RARB: variants seen among roughly 807,000 people sequenced by gnomAD.
The protein encoded by RARB is HBV-activated protein.
A neutral mutation model predicts 51.9 loss-of-function variants in RARB; 17 were observed. That is an observed-to-expected ratio of 0.33 (90% CI 0.22 to 0.49). The LOEUF is 0.49. Ranked by LOEUF, RARB falls within the 20% of genes least tolerant of loss-of-function variation. RARB has a pLI of 0.99. For missense variants in RARB, 369 were observed against 550.8 expected (o/e 0.67, Z 3.30); for synonymous variants, 215 against 195.4 (o/e 1.10, Z -0.84).
intron 2 of RARB, among the ~76,000 whole-genome samples, chr3:25,483,380 G>A (rs112922360): frequency 3.8e-4 from 58 of 152,302 alleles, no homozygotes; most frequent in African/African-American, 1.3e-3. Context: ...CACACATACT[G>A]TGGTAGAGGA....
intron 3 of RARB, among the ~76,000 whole-genome samples, chr3:25,081,004 TCTTTTA>T (rs955946352): frequency 3.9e-5 from 6 of 152,280 alleles, no homozygotes; most frequent in African/African-American, 1.4e-4. Flanking sequence ...TGATCTGATC[TCTTTTA>T]CTTTATTATC....
intron 2 of RARB, among the ~76,000 whole-genome samples, chr3:24,981,172 G>C (rs902721596): frequency 7.9e-5 from 12 of 152,132 alleles, no homozygotes; most frequent in Non-Finnish European, 1.8e-4. Context: ...ATCTGTATGA[G>C]GTGTCCGTCA....
rs73048068 is a variant in RARB, at chr3:25,554,140, G to T, written c.449-15618G>T. Among the ~76,000 whole-genome samples, 279 of 150,286 alleles carry T rather than the reference G, an allele frequency of 1.9e-3. 1 individual carries two copies. The highest frequency in any genetic ancestry group is 3.1e-3 in the Non-Finnish European group (209 of 67,624). ...GTTAGGGTGGGGGAGGGGATTTCCC[G>T]AGAGAAAGTATCTGTGCGTGGAGGT... On this transcript the variant is annotated intron_variant, in intron 3 of 7. Coordinates refer to ENST00000330688, the MANE Select transcript of RARB (RefSeq NM_000965.5).
At chr3:24,976,792 T>G (rs1696523038) in intron 2 of RARB, among the ~76,000 whole-genome samples, 1 of 152,206 alleles carries the variant, frequency 6.6e-6, no homozygotes, top group African/African-American at 2.4e-5. Flanking sequence ...ATTTTGGCTT[T>G]TGCTGCCATT....
intron 3 of RARB, among the ~76,000 whole-genome samples, chr3:25,081,634 T>A (rs1385941458): frequency 4.6e-5 from 3 of 64,684 alleles, no homozygotes; most frequent in African/African-American, 1.1e-4. Flanking sequence ...TTTTTTTTTT[T>A]TTTTTTTTTT....
chr3:25,160,107 C>T (rs1004111895), intron 4 of RARB, among the ~76,000 whole-genome samples: 4 of 152,204 alleles, frequency 2.6e-5, no homozygotes, highest in South Asian at 2.1e-4. Flanking sequence ...TCATTCTTTC[C>T]TGTAACTGTT....
At chr3:25,340,029 A>G (rs539859681) in intron 5 of RARB, among the ~76,000 whole-genome samples, 1 of 152,292 alleles carries the variant, frequency 6.6e-6, no homozygotes, top group African/African-American at 2.4e-5. Flanking sequence ...TGGACATATG[A>G]AAAAGAAGAC....
chr3:24,951,912 G>C (rs554203895), intron 2 of RARB, among the ~76,000 whole-genome samples: 1 of 152,212 alleles, frequency 6.6e-6, no homozygotes, highest in South Asian at 2.1e-4. Flanking sequence ...TTGGATTACA[G>C]GAAACGTAAT....
intron 2 of RARB, among the ~76,000 whole-genome samples, chr3:24,896,270 T>C (rs141207113): frequency 4.9e-4 from 74 of 152,156 alleles, no homozygotes; most frequent in Middle Eastern, 6.8e-3. Context: ...TGTTTTGTTT[T>C]TTGTTTTGAG....
exon 5 of RARB, chr3:25,174,148 A>T (rs1700697210): frequency 4.7e-6 from 1 of 214,958 alleles, no homozygotes; most frequent in South Asian, 7.4e-5. Context: ...TGAAGGTGCT[A>T]GTGTCTCACT....
chr3:25,596,578 G>A lies in RARB; in HGVS notation c.1309G>A (p.Glu437Lys). 2.5e-6 allele frequency: 4 copies of A among 1,611,786 alleles called. No homozygotes were observed. Among genetic ancestry groups the A allele is most frequent in the Non-Finnish European group, 3.4e-6 (4 of 1,178,382 alleles). ...HSPSISPSSV[E>K]NSGVSQSPLV... The stretch of plus-strand genomic sequence containing the variant: ...TCCTAGCATCTCACCCAGCTCAGTG[G>A]AAAACAGTGGGGTCAGTCAGTCACC... The change falls in exon 8 of 8, where the codon GAA becomes AAA. Residue 437 changes from glutamate to lysine, a missense_variant. This residue lies in a region of RARB where 54 missense variants were observed against 43.4 expected (regional missense o/e 1.24). Transcript: ENST00000330688.
chr3:25,435,709 TA>T (rs765116265), intron 1 of RARB, among the ~76,000 whole-genome samples: 12 of 152,188 alleles, frequency 7.9e-5, no homozygotes, highest in Non-Finnish European at 1.5e-4. Flanking sequence ...AGAAGCTGTA[TA>T]AAAAGGCATA....
intron 5 of RARB, among the ~76,000 whole-genome samples, chr3:25,361,362 T>A (rs1049451810): frequency 1.3e-5 from 2 of 152,246 alleles, no homozygotes; most frequent in Non-Finnish European, 2.9e-5. Flanking sequence ...AACTGGTTAT[T>A]CTAGTTAGCA....
intron 5 of RARB, among the ~76,000 whole-genome samples, chr3:25,398,228 C>T (rs1334979926): frequency 6.6e-6 from 1 of 152,094 alleles, no homozygotes; most frequent in African/African-American, 2.4e-5. Flanking sequence ...AAAAATGAGA[C>T]AGGCTCCTGA....
chr3:24,931,497 T>A (rs1016947980), intron 2 of RARB, among the ~76,000 whole-genome samples: 4 of 152,026 alleles, frequency 2.6e-5, no homozygotes, highest in Non-Finnish European at 5.9e-5. Context: ...CAACCCCATT[T>A]TTATCTTGGC....
intron 2 of RARB, among the ~76,000 whole-genome samples, chr3:24,950,727 AG>A (rs1220499954): frequency 1.6e-5 from 1 of 61,356 alleles, no homozygotes; most frequent in East Asian, 6.7e-4. Flanking sequence ...AAAAAAAAAA[AG>A]GTGATTTGGC....
intron 5 of RARB, among the ~76,000 whole-genome samples, chr3:25,293,671 A>C (rs1233895384): frequency 6.6e-6 from 1 of 151,294 alleles, no homozygotes; most frequent in African/African-American, 2.4e-5. Context: ...CATTTTCCTA[A>C]AACCATCATC....
intron 2 of RARB, among the ~76,000 whole-genome samples, chr3:24,987,961 A>G (rs890983304): frequency 5.8e-5 from 3 of 51,388 alleles, no homozygotes; most frequent in African/African-American, 2.2e-4. Context: ...AAGACCTTTC[A>G]TTCCATTTTT....
intron 2 of RARB, among the ~76,000 whole-genome samples, chr3:25,049,706 A>G (rs1446182094): frequency 6.6e-6 from 1 of 152,240 alleles, no homozygotes; most frequent in South Asian, 2.1e-4. Flanking sequence ...TAAGGATATT[A>G]TTTTAGCTCA....
Sources: allele counts gnomAD v4.1 joint callset (sites outside exome capture counted in the v4.1 genomes callset), GRCh38; gene constraint gnomAD v4.1.1; regional missense constraint gnomAD v4.1.1; transcripts MANE v1.5; gene names NCBI Gene and HGNC (gene_info 2026-07-23, HGNC 2026-07-21).